Variants in LRRC43 observed in about 807,000 individuals in gnomAD.
LRRC43 encodes leucine-rich repeat-containing protein 43.
In LRRC43, 62 loss-of-function variants were observed where a neutral mutation model predicts 64.3. The observed-to-expected ratio is 0.96, with a 90% CI of 0.79 to 1.19. The LOEUF (loss-of-function observed/expected upper bound fraction) is 1.19. LRRC43 is among the 50% of genes most tolerant of loss of function. The pLI is 0.00. For missense variants in LRRC43, 868 were observed against 845.0 expected, an observed-to-expected ratio of 1.03 and a Z score of -0.34; for synonymous variants, 422 against 382.3, an observed-to-expected ratio of 1.10 and a Z score of -1.21.
intron 1 of LRRC43, chr12:122,172,694 C>T (rs376559865): frequency 8.1e-6 from 13 of 1,614,032 alleles, no homozygotes; most frequent in African/African-American, 2.7e-5. Context: ...GGCTGAGACA[C>T]GGCAGCGTGT....
chr12:122,198,893 A>C (rs181459622), intron 7 of LRRC43, among the ~76,000 whole-genome samples: 77 of 151,872 alleles, frequency 5.1e-4, no homozygotes, highest in African/African-American at 1.8e-3. Context: ...TCGGCCTCCC[A>C]AAGTGCTGGG....
At chr12:122,196,572 AG>A (rs968397442) in intron 7 of LRRC43, among the ~76,000 whole-genome samples, 1 of 152,000 alleles carries the variant, frequency 6.6e-6, no homozygotes, top group African/African-American at 2.4e-5. Context: ...GTTTGAGATC[AG>A]TCTGGCCAAC....
At chr12:122,178,582 CTTTTTTTTTTT>C (rs57204293), upstream of LRRC43, among the ~76,000 whole-genome samples, 4 of 60,732 alleles carry the variant, frequency 6.6e-5, no homozygotes, top group East Asian at 6.1e-4. Flanking sequence ...AGGTGGCTTT[CTTTTTTTTTTT>C]TTTTTTTTTT....
chr12:122,174,288 G>A (rs934767841), intron 1 of LRRC43: 41 of 1,214,726 alleles, frequency 3.4e-5, no homozygotes, highest in Admixed American at 6.0e-5. Flanking sequence ...TCAGCGTCCC[G>A]CCCATGGCAA....
At chr12:122,202,982 C>T (rs1447487897) in intron 11 of LRRC43, among the ~76,000 whole-genome samples, 2 of 152,056 alleles carry the variant, frequency 1.3e-5, no homozygotes, top group Non-Finnish European at 2.9e-5. Flanking sequence ...ATCCCAGCTA[C>T]TTGGAGGCTG....
At chr12:122,191,828 A>G (rs1034799938) in intron 6 of LRRC43, among the ~76,000 whole-genome samples, 2 of 151,738 alleles carry the variant, frequency 1.3e-5, no homozygotes, top group Non-Finnish European at 2.9e-5. Context: ...TAATTTTTGT[A>G]TTTTTAGTAG....
upstream of LRRC43, among the ~76,000 whole-genome samples, chr12:122,178,290 C>T (rs975132937): frequency 6.6e-6 from 1 of 152,180 alleles, no homozygotes; most frequent in Non-Finnish European, 1.5e-5. Context: ...CAACCACTTC[C>T]ACCTTCTTGA....
chr12:122,196,852 T>C (rs1374505667), intron 7 of LRRC43, among the ~76,000 whole-genome samples: 1 of 152,058 alleles, frequency 6.6e-6, no homozygotes, highest in African/African-American at 2.4e-5. Flanking sequence ...TCACAAGTGG[T>C]ACGTCAGAGG....
Position 122,190,337 on chromosome 12 carries a change from G to A in LRRC43, c.870G>A (p.Lys290=), listed in dbSNP as rs747684897. ...ACATCACCGTGTCTCCCAATGAGAA[G>A]CATCTCTTCCGGGGGCTCAGCCTCA... ...LDDITVSPNE[K]HLFRGLSLNG... The change falls in exon 5 of 12, where the codon AAG becomes AAA. Residue 290 remains lysine (K), a synonymous_variant. Transcript: ENST00000339777. The A allele has an allele frequency of 6.2e-7, 1 of 1,614,140 alleles. No homozygotes were observed. The highest frequency in any genetic ancestry group is 1.7e-5 in the Admixed American group (1 of 60,026).
chr12:122,173,474 A>T (rs1312228577), intron 1 of LRRC43, among the ~76,000 whole-genome samples: 3 of 152,228 alleles, frequency 2.0e-5, no homozygotes, highest in Admixed American at 6.5e-5. Context: ...ACTTGAGGTC[A>T]GGAGTTCAAG....
chr12:122,182,378 G>T (rs536200455), upstream of LRRC43, among the ~76,000 whole-genome samples: 20 of 152,094 alleles, frequency 1.3e-4, no homozygotes, highest in Non-Finnish European at 2.9e-4. Context: ...ACACATTAGC[G>T]GGGCGTTGTG....
intron 1 of LRRC43, among the ~76,000 whole-genome samples, chr12:122,168,494 G>T (rs958594569): frequency 1.3e-5 from 2 of 150,808 alleles, no homozygotes; most frequent in Non-Finnish European, 1.5e-5. Context: ...TCGCCATGTT[G>T]CCCAGGCTGG....
chr12:122,184,624 G>T lies in LRRC43; in HGVS notation c.256G>T (p.Gly86Cys), dbSNP rs1488845483. Residue 86 changes from glycine (G) to cysteine (C), a missense_variant, in exon 2 of 12, where the codon GGC (glycine) becomes TGC (cysteine). Coordinates refer to ENST00000339777, the MANE Select transcript of LRRC43 (RefSeq NM_001098519.2). The surrounding 1 kb of genome is among the most constrained non-coding windows in gnomAD (Gnocchi z 4.0). The stretch of plus-strand genomic sequence containing the variant: ...AGAGGAGACGGTGGAGGCCCTGCTG[G>T]GCCTGGTCCGCAGCCGCCACTCCCC... The part of the protein sequence containing the change: ...PGEETVEALL[G>C]LVRSRHSPWA... 9 of 1,613,740 alleles carry T rather than the reference G, an allele frequency of 5.6e-6. No individual in the cohort carries two copies. The Admixed American group carries it at 1.0e-4, about 18-fold the overall frequency.
upstream of LRRC43, among the ~76,000 whole-genome samples, chr12:122,180,775 C>T (rs11059508): frequency 0.18 from 27,075 of 152,136 alleles, 2,559 homozygotes; most frequent in Admixed American, 0.26. Context: ...TTAACTTGTT[C>T]CAAACAGGAT....
At chr12:122,201,513 T>C (rs1953838601) in intron 11 of LRRC43, among the ~76,000 whole-genome samples, 184 bp downstream of exon 11, 1 of 152,062 alleles carries the variant, frequency 6.6e-6, no homozygotes, top group Admixed American at 6.6e-5. Flanking sequence ...CCACAGGGCC[T>C]GTGTGGGTGG....
At chr12:122,170,093 C>T (rs1031170353) in intron 1 of LRRC43, among the ~76,000 whole-genome samples, 10 of 152,080 alleles carry the variant, frequency 6.6e-5, no homozygotes, top group African/African-American at 1.9e-4. Flanking sequence ...AGGTGTGAGA[C>T]ACCACGGCTG....
chr12:122,181,995 C>G (rs972934909), upstream of LRRC43, among the ~76,000 whole-genome samples: 1 of 152,120 alleles, frequency 6.6e-6, no homozygotes, highest in Non-Finnish European at 1.5e-5. Context: ...ATTCATTTGT[C>G]AGAACCTGAT....
intron 1 of LRRC43, chr12:122,173,911 C>G (rs756327888): frequency 6.2e-7 from 1 of 1,614,056 alleles, no homozygotes. Flanking sequence ...ATCACTTGGT[C>G]GTAGTAAACG....
At chr12:122,193,959 T>TA (rs1256156845) in intron 7 of LRRC43, among the ~76,000 whole-genome samples, 1 of 152,230 alleles carries the variant, frequency 6.6e-6, no homozygotes, top group Non-Finnish European at 1.5e-5. Flanking sequence ...TTAATCCATC[T>TA]AAGATGTATT....
Sources: gnomAD v4.1 joint callset for allele counts (sites outside exome capture counted in the v4.1 genomes callset) on GRCh38, gnomAD v4.1.1 for gene constraint, Gnocchi (gnomAD v3.1) non-coding constraint, MANE v1.5 for transcripts, NCBI Gene and HGNC (gene_info 2026-07-23, HGNC 2026-07-21) for gene names.